The following CDH13 variants were observed in gnomAD, a reference collection of about 807,000 sequenced individuals.
The protein encoded by CDH13 is cadherin-13.
A neutral mutation model predicts 63.8 loss-of-function variants in CDH13; 24 were observed. That is an observed-to-expected ratio of 0.38 (90% CI 0.27 to 0.53). CDH13 has a LOEUF of 0.53. Ranked by LOEUF, CDH13 falls within the 20% of genes least tolerant of loss-of-function variation. The pLI is 0.85. For missense variants in CDH13, 1,049 were observed against 903.1 expected (o/e 1.16, Z -2.07); for synonymous variants, 503 against 355.3 (o/e 1.42, Z -4.67).
At chr16:83,583,358 A>G (rs1346112042) in intron 7 of CDH13, among the ~76,000 whole-genome samples, 2 of 152,240 alleles carry the variant, frequency 1.3e-5, no homozygotes, top group Non-Finnish European at 2.9e-5. Context: ...TTCAACACAT[A>G]CAAGCCCGTG....
chr16:83,301,974 A>T (rs1462237883), intron 5 of CDH13, among the ~76,000 whole-genome samples: 1 of 152,048 alleles, frequency 6.6e-6, no homozygotes, highest in Non-Finnish European at 1.5e-5. Flanking sequence ...TTTAAGAAAA[A>T]AAAAAAAGAG....
At chr16:83,106,867 T>C (rs2034790210) in intron 3 of CDH13, among the ~76,000 whole-genome samples, 1 of 152,196 alleles carries the variant, frequency 6.6e-6, no homozygotes, top group African/African-American at 2.4e-5. Context: ...TTTTTGGAGT[T>C]TCTCTGATGA....
intron 6 of CDH13, among the ~76,000 whole-genome samples, chr16:83,431,331 A>G (rs1047217252): frequency 6.6e-6 from 1 of 151,614 alleles, no homozygotes; most frequent in Non-Finnish European, 1.5e-5. Context: ...TGAGGAGACA[A>G]CCATAGGTTA....
At chr16:83,563,927 G>T (rs1473636982) in intron 7 of CDH13, among the ~76,000 whole-genome samples, 1 of 152,150 alleles carries the variant, frequency 6.6e-6, no homozygotes, top group East Asian at 1.9e-4. Context: ...GAATCTGAGA[G>T]ATCCAGATCT....
intron 2 of CDH13, among the ~76,000 whole-genome samples, chr16:82,909,520 G>C (rs1282066912): frequency 6.6e-6 from 1 of 152,124 alleles, no homozygotes; most frequent in African/African-American, 2.4e-5. Flanking sequence ...AATTTATAAA[G>C]AAAATAGTTT....
At chr16:83,731,148 A>C in intron 10 of CDH13, among the ~76,000 whole-genome samples, 1 of 152,218 alleles carries the variant, frequency 6.6e-6, no homozygotes, top group East Asian at 1.9e-4. Context: ...TCTTTTTGGC[A>C]AAACAATTTA....
intron 8 of CDH13, among the ~76,000 whole-genome samples, chr16:83,647,223 T>G (rs1911911424): frequency 6.7e-6 from 1 of 148,398 alleles, no homozygotes; most frequent in African/African-American, 2.5e-5. Flanking sequence ...GGCAGGAGAA[T>G]GGCATGAACC....
intron 4 of CDH13, among the ~76,000 whole-genome samples, chr16:83,181,992 C>T (rs942807447): frequency 6.6e-6 from 1 of 152,182 alleles, no homozygotes; most frequent in African/African-American, 2.4e-5. Context: ...CTGGATTCCC[C>T]TCCAAGCGTG....
At position 83,429,297 on chromosome 16, in the gene CDH13, T is replaced by C. The variant is rs888001442; in HGVS notation, c.782-57180T>C. The stretch of plus-strand genomic sequence containing the variant: ...CCAGAGCAGGACACTCTTTGACCAA[T>C]CTCAACCACCTGATTTCCTCATGAG... On this transcript the variant is annotated intron_variant, in intron 6 of 13. Transcript: ENST00000567109. Among the ~76,000 whole-genome samples the C allele has an allele frequency of 3.3e-5, 5 of 152,146 alleles. No individual in the cohort carries two copies. The South Asian group carries it at 6.2e-4, about 19-fold the overall frequency.
intron 1 of CDH13, chr16:82,824,422 G>A (rs989867951): frequency 1.3e-5 from 2 of 152,044 alleles, no homozygotes; most frequent in African/African-American, 4.8e-5. Context: ...ACGAAAAAAT[G>A]GCAGAATTAG....
At chr16:83,529,824 T>A (rs1484476902) in intron 7 of CDH13, among the ~76,000 whole-genome samples, 6 of 152,216 alleles carry the variant, frequency 3.9e-5, no homozygotes, top group Non-Finnish European at 8.8e-5. Context: ...GAACATTTGG[T>A]CAGGTGATTA....
chr16:82,696,844 T>C (rs7193530), intron 1 of CDH13, among the ~76,000 whole-genome samples: 2,814 of 152,280 alleles, frequency 0.018, 92 homozygotes, highest in African/African-American at 0.065. Context: ...TGTCAAGATG[T>C]TGGTTGAAAT....
At chr16:82,926,743 G>A (rs1296335807) in intron 2 of CDH13, among the ~76,000 whole-genome samples, 2 of 152,170 alleles carry the variant, frequency 1.3e-5, no homozygotes, top group East Asian at 3.9e-4. Context: ...GCAGTGTGAG[G>A]CATGGACAGG....
intron 3 of CDH13, among the ~76,000 whole-genome samples, chr16:83,116,269 C>T (rs991753745): frequency 1.3e-5 from 2 of 152,082 alleles, no homozygotes; most frequent in Admixed American, 6.5e-5. Context: ...ACCACGCAAC[C>T]GGGGAGGTGT....
chr16:82,703,206 TACACACAC>T (rs34528218), intron 1 of CDH13, among the ~76,000 whole-genome samples: 1 of 149,418 alleles, frequency 6.7e-6, no homozygotes, highest in African/African-American at 2.5e-5. Flanking sequence ...GGATGTATAC[TACACACAC>T]ACACACACAC....
intron 2 of CDH13, among the ~76,000 whole-genome samples, chr16:82,880,548 C>A (rs2040665801): frequency 6.6e-6 from 1 of 152,080 alleles, no homozygotes; most frequent in Non-Finnish European, 1.5e-5. Context: ...TGGACCTTTG[C>A]CAGGTCCATC....
chr16:83,191,868 A>G (rs1166065943), intron 4 of CDH13, among the ~76,000 whole-genome samples: 2 of 152,030 alleles, frequency 1.3e-5, no homozygotes, highest in Non-Finnish European at 2.9e-5. Context: ...CCACTGACAC[A>G]AATGTTCATC....
At chr16:83,279,031 A>G (rs2089079869) in intron 5 of CDH13, among the ~76,000 whole-genome samples, 1 of 151,612 alleles carries the variant, frequency 6.6e-6, no homozygotes, top group Admixed American at 6.6e-5. Flanking sequence ...TTTTATTGTA[A>G]TGGGTGCTCT....
At chr16:82,722,788 G>T (rs537666267) in intron 1 of CDH13, among the ~76,000 whole-genome samples, 9 of 152,228 alleles carry the variant, frequency 5.9e-5, no homozygotes, top group African/African-American at 1.9e-4. Context: ...TGCTCACAGG[G>T]TACCAGGGAT....
Sources: gnomAD v4.1 joint callset for allele counts (sites outside exome capture counted in the v4.1 genomes callset) on GRCh38, gnomAD v4.1.1 for gene constraint, MANE v1.5 for transcripts, NCBI Gene and HGNC (gene_info 2026-07-23, HGNC 2026-07-21) for gene names.